PLCB4: variants seen among roughly 807,000 people sequenced by gnomAD.
PLCB4 encodes phospholipase C beta 4.
In PLCB4, 77 loss-of-function variants were observed where a neutral mutation model predicts 178.8. The observed-to-expected ratio is 0.43, with a 90% CI of 0.36 to 0.52. PLCB4 has a LOEUF of 0.52. Ranked by LOEUF, PLCB4 falls within the 20% of genes least tolerant of loss-of-function variation. PLCB4 has a pLI of 0.00. For missense variants in PLCB4, 1,024 were observed against 1,453.4 expected, an observed-to-expected ratio of 0.70 and a Z score of 4.80; for synonymous variants, 496 against 490.8, an observed-to-expected ratio of 1.01 and a Z score of -0.14.
chr20:9,187,128 C>T (rs2093339630), intron 2 of PLCB4, among the ~76,000 whole-genome samples: 1 of 151,932 alleles, frequency 6.6e-6, no homozygotes. Flanking sequence ...TACCAGCAGC[C>T]TGGATAATTT....
intron 2 of PLCB4, among the ~76,000 whole-genome samples, chr20:9,180,282 G>C (rs1047297110): frequency 6.6e-6 from 1 of 151,986 alleles, no homozygotes; most frequent in Admixed American, 6.6e-5. Context: ...AGTCAAGATC[G>C]GCTAGCTTAT....
intron 1 of PLCB4, among the ~76,000 whole-genome samples, chr20:9,093,129 A>T (rs892435073): frequency 2.6e-5 from 4 of 152,236 alleles, no homozygotes; most frequent in Non-Finnish European, 5.9e-5. Context: ...GCCTTAGGAT[A>T]TACCATTGCA....
intron 2 of PLCB4, among the ~76,000 whole-genome samples, chr20:9,157,903 G>T (rs2092817423): frequency 6.6e-6 from 1 of 152,190 alleles, no homozygotes; most frequent in Non-Finnish European, 1.5e-5. Flanking sequence ...TTTCACTCTA[G>T]CCTGGGCAAC....
At chr20:9,211,998 A>G (rs2093678207) in intron 2 of PLCB4, among the ~76,000 whole-genome samples, 1 of 152,214 alleles carries the variant, frequency 6.6e-6, no homozygotes, top group Non-Finnish European at 1.5e-5. Flanking sequence ...TCCCCACTGT[A>G]CATTCATGGC....
chr20:9,473,866 T>C (rs1361453699), intron 38 of PLCB4, among the ~76,000 whole-genome samples: 1 of 152,174 alleles, frequency 6.6e-6, no homozygotes, highest in Non-Finnish European at 1.5e-5. Context: ...GTGGATACCA[T>C]AGTCTTGGTC....
intron 4 of PLCB4, among the ~76,000 whole-genome samples, chr20:9,325,522 C>CCTCACA (rs1347615650): frequency 1.3e-5 from 2 of 152,168 alleles, no homozygotes; most frequent in Non-Finnish European, 2.9e-5. Context: ...AGAATCTGAG[C>CCTCACA]ATCCAGATTT....
intron 12 of PLCB4, among the ~76,000 whole-genome samples, chr20:9,377,771 G>A (rs78222962): frequency 0.029 from 4,381 of 152,176 alleles, 207 homozygotes; most frequent in African/African-American, 0.099. Context: ...TGTTTAATTG[G>A]GAGGACATCT....
chr20:9,123,903 G>T (rs1283583630), intron 2 of PLCB4, among the ~76,000 whole-genome samples: 1 of 152,016 alleles, frequency 6.6e-6, no homozygotes, highest in African/African-American at 2.4e-5. Context: ...GGGCTTTGTG[G>T]AGTATACCGT....
rs781573659 is a variant in PLCB4, at chr20:9,390,560, A to G, written c.1268A>G (p.Tyr423Cys). ...SKYQQYKMSKYCEDLFGDLLL... is the reference protein window; with the variant it reads ...SKYQQYKMSKCCEDLFGDLLL... ...TATCAACAGTACAAGATGTCCAAAT[A>G]TTGCGAAGATCTATTTGGGGATCTC... The change falls in exon 17 of 40, where the codon TAT (tyrosine) becomes TGT (cysteine). Residue 423 changes from tyrosine to cysteine, a missense_variant. Around this residue, in one of 7 missense-constraint regions of PLCB4, gnomAD observed 263 missense variants for 417.4 expected, o/e 0.63. Transcript: ENST00000378473. 2 of 1,592,440 alleles carry G rather than the reference A, an allele frequency of 1.3e-6. No individual in the cohort carries two copies. The highest frequency in any genetic ancestry group is 2.2e-5 in the East Asian group (1 of 44,722).
intron 2 of PLCB4, among the ~76,000 whole-genome samples, chr20:9,177,776 G>A (rs932654304): frequency 6.6e-6 from 1 of 152,176 alleles, no homozygotes; most frequent in Non-Finnish European, 1.5e-5. Flanking sequence ...AGGGCTCAGC[G>A]ATTCTTAAGG....
At chr20:9,332,604 T>C (rs979996951) in intron 4 of PLCB4, among the ~76,000 whole-genome samples, 1 of 152,018 alleles carries the variant, frequency 6.6e-6, no homozygotes, top group Non-Finnish European at 1.5e-5. Flanking sequence ...AAGATCCCCC[T>C]GGAGAATTTC....
intron 26 of PLCB4, among the ~76,000 whole-genome samples, chr20:9,421,059 GTT>G (rs11475038): frequency 1.3e-5 from 2 of 151,676 alleles, no homozygotes; most frequent in African/African-American, 4.8e-5. Context: ...TTTTTTCTTT[GTT>G]TTTTTTCTAG....
chr20:9,426,156 C>T (rs1354985980), intron 28 of PLCB4, among the ~76,000 whole-genome samples: 1 of 151,932 alleles, frequency 6.6e-6, no homozygotes, highest in Non-Finnish European at 1.5e-5. Flanking sequence ...AGAAACTCAT[C>T]AATATACATC....
chr20:9,256,560 T>G (rs2094238190), intron 3 of PLCB4, among the ~76,000 whole-genome samples: 1 of 152,184 alleles, frequency 6.6e-6, no homozygotes, highest in African/African-American at 2.4e-5. Flanking sequence ...CATCACCCTG[T>G]AAAAACAGGA....
intron 3 of PLCB4, among the ~76,000 whole-genome samples, chr20:9,233,693 G>A (rs1481186715): frequency 6.6e-6 from 1 of 152,170 alleles, no homozygotes; most frequent in African/African-American, 2.4e-5. Context: ...AAGGTTGCAA[G>A]TAAGTTTGAG....
At chr20:9,325,590 A>G (rs1398575660) in intron 4 of PLCB4, among the ~76,000 whole-genome samples, 1 of 152,214 alleles carries the variant, frequency 6.6e-6, no homozygotes, top group Non-Finnish European at 1.5e-5. Context: ...AAACCTAGAC[A>G]GATCCGGAGT....
chr20:9,378,887 A>T (rs2036906327), intron 12 of PLCB4, among the ~76,000 whole-genome samples: 1 of 152,174 alleles, frequency 6.6e-6, no homozygotes, highest in Non-Finnish European at 1.5e-5. Context: ...TGTATAGCTC[A>T]CTTTTCCAAT....
At chr20:9,309,163 A>T (rs879008147) in intron 4 of PLCB4, among the ~76,000 whole-genome samples, 1 of 152,122 alleles carries the variant, frequency 6.6e-6, no homozygotes, top group Admixed American at 6.5e-5. Flanking sequence ...GCCTTCTATA[A>T]TTTGGCTCCT....
intron 1 of PLCB4, among the ~76,000 whole-genome samples, chr20:9,087,506 C>T (rs1007637934): frequency 6.6e-6 from 1 of 152,116 alleles, no homozygotes; most frequent in African/African-American, 2.4e-5. Context: ...ATTAGAAAAA[C>T]ATAGTACAAT....
Sources: allele counts gnomAD v4.1 joint callset (sites outside exome capture counted in the v4.1 genomes callset), GRCh38; gene constraint gnomAD v4.1.1; regional missense constraint gnomAD v4.1.1; transcripts MANE v1.5; gene names NCBI Gene and HGNC (gene_info 2026-07-23, HGNC 2026-07-21).